ABCC1: variants seen among roughly 807,000 people sequenced by gnomAD.
ABCC1 encodes multidrug resistance-associated protein 1.
A neutral mutation model predicts 172.9 loss-of-function variants in ABCC1; 83 were observed. The observed-to-expected ratio is 0.48, with a 90% CI of 0.40 to 0.58. The LOEUF (loss-of-function observed/expected upper bound fraction) is 0.58. ABCC1 is among the 20% of genes least tolerant of loss of function. ABCC1 has a pLI of 0.00. For synonymous variants in ABCC1, 937 were observed against 825.2 expected, an observed-to-expected ratio of 1.14 and a Z score of -2.32; for missense variants, 1,817 against 2,002.7, an observed-to-expected ratio of 0.91 and a Z score of 1.77.
intron 1 of ABCC1, among the ~76,000 whole-genome samples, chr16:16,005,049 C>T (rs1358515890): frequency 6.8e-6 from 1 of 146,586 alleles, no homozygotes; most frequent in Non-Finnish European, 1.5e-5. Context: ...GATCTTATTT[C>T]CCTCATTTCT....
At position 16,136,536 on chromosome 16, in the gene ABCC1, C is replaced by T. The variant is rs775937199; in HGVS notation, c.4184C>T (p.Ser1395Leu). 6.8e-6 allele frequency: 11 copies of T among 1,614,034 alleles called. No individual in the cohort carries two copies. The highest frequency in any genetic ancestry group is 1.7e-5 in the Admixed American group (1 of 59,994). ...RMNLDPFSQY[S>L]DEEVWTSLEL... ...AACCTGGACCCATTCAGCCAGTACT[C>T]GGATGAAGAAGTCTGGACGTCCCTG... The change falls in exon 29 of 31, where the codon TCG becomes TTG. Residue 1395 changes from serine (S) to leucine (L), a missense_variant. Coordinates refer to ENST00000399410, the MANE Select transcript of ABCC1 (RefSeq NM_004996.4).
In ABCC1 at chr16:16,083,439, G is replaced by T; in HGVS notation, c.2189G>T (p.Cys730Phe). The change falls in exon 17 of 31, where the codon TGT becomes TTT. Residue 730 changes from cysteine (C) to phenylalanine (F), a missense_variant. This residue lies in a region of ABCC1 where 1,412 missense variants were observed against 1,600.3 expected (regional missense o/e 0.88). Coordinates refer to ENST00000399410, the MANE Select transcript of ABCC1 (RefSeq NM_004996.4). ...CTCCGAGAAAACATCCTTTTTGGAT[G>T]TCAGCTGGAGGAACCATATTACAGG... is the stretch of plus-strand genomic sequence containing the variant. ...DSLRENILFG[C>F]QLEEPYYRSV... 1 of 1,613,996 alleles carries T rather than the reference G, an allele frequency of 6.2e-7. No homozygotes were observed. Among genetic ancestry groups the T allele is most frequent in the Non-Finnish European group, 8.5e-7 (1 of 1,180,048 alleles).
chr16:16,068,373 C>T, intron 13 of ABCC1, 71 bp downstream of exon 13: 2 of 1,563,358 alleles, frequency 1.3e-6, no homozygotes, highest in Admixed American at 1.7e-5. Flanking sequence ...CATGGAAGTG[C>T]CCCCGAGCGC....
chr16:16,131,664 C>A, intron 26 of ABCC1, 125 bp from the exon 27 acceptor site: 1 of 1,046,040 alleles, frequency 9.6e-7, no homozygotes, highest in Admixed American at 2.7e-5. Context: ...AAGGGCAACC[C>A]CCCAGTGCTG....
In ABCC1 at chr16:15,999,809, C is replaced by CTCTCTCT. The variant is rs374395529; in HGVS notation, c.49-8007_49-8006insTCTCTCT. On this transcript the variant is annotated intron_variant, in intron 1 of 30. Transcript: ENST00000399410. ...TCTCTCTCTCTCTCTCTCTCTCTCTCCTCTCTCTCTCTCTCTCTCTCTCTG... is the reference window on the plus strand; with the variant it reads ...TCTCTCTCTCTCTCTCTCTCTCTCTCTCTCTCTCTCTCTCTCTCTCTCTCTCTCTCTG... Among the ~76,000 whole-genome samples the CTCTCTCT allele has an allele frequency of 2.6e-3, 22 of 8,366 alleles. 2 individuals carry two copies. The highest frequency in any genetic ancestry group is 5.5e-3 in the South Asian group (1 of 182). 5.5% of individuals were successfully genotyped at this position (8,366 alleles called of 152,430 possible). A position where few individuals can be genotyped will look rare whatever the true frequency, so the allele number is the denominator to read the frequency against.
chr16:15,956,013 C>A (rs1010763908), intron 1 of ABCC1, among the ~76,000 whole-genome samples: 1 of 152,052 alleles, frequency 6.6e-6, no homozygotes, highest in African/African-American at 2.4e-5. Flanking sequence ...TTTGGGAGGC[C>A]GAGGCAGGTG....
At chr16:16,022,917 G>GT (rs10532060) in intron 5 of ABCC1, among the ~76,000 whole-genome samples, 1 of 151,392 alleles carries the variant, frequency 6.6e-6, no homozygotes, top group African/African-American at 2.4e-5. Context: ...CTTTTGTTTT[G>GT]TTTTTTGTTT....
At chr16:15,976,034 G>A (rs1159159249) in intron 1 of ABCC1, among the ~76,000 whole-genome samples, 3 of 151,980 alleles carry the variant, frequency 2.0e-5, no homozygotes, top group Admixed American at 2.0e-4. Context: ...GGGAGGCTGA[G>A]GTGGGCGGAT....
At chr16:15,956,588 C>G (rs1023651085) in intron 1 of ABCC1, among the ~76,000 whole-genome samples, 2 of 152,072 alleles carry the variant, frequency 1.3e-5, no homozygotes, top group African/African-American at 4.8e-5. Flanking sequence ...TCACCTGCCT[C>G]GGCCTCCTAA....
intron 30 of ABCC1, among the ~76,000 whole-genome samples, chr16:16,139,243 G>C (rs532748272): frequency 6.6e-6 from 1 of 152,280 alleles, no homozygotes; most frequent in Admixed American, 6.5e-5. Context: ...GCGAGTGCTG[G>C]GCAGGGCCAC....
chr16:16,021,245 C>A (rs2048182174), intron 5 of ABCC1, among the ~76,000 whole-genome samples: 1 of 152,016 alleles, frequency 6.6e-6, no homozygotes, highest in Admixed American at 6.6e-5. Flanking sequence ...CAAGTATTAC[C>A]AGCAAGAAAG....
At chr16:16,080,030 C>G (rs1239673268) in intron 16 of ABCC1, among the ~76,000 whole-genome samples, 2 of 152,026 alleles carry the variant, frequency 1.3e-5, no homozygotes, top group Non-Finnish European at 2.9e-5. Context: ...CCAGGCTGGT[C>G]TCAAACTCCT....
intron 26 of ABCC1, among the ~76,000 whole-genome samples, chr16:16,127,221 C>T (rs181923987): frequency 4.6e-5 from 7 of 152,218 alleles, no homozygotes; most frequent in African/African-American, 1.2e-4. Flanking sequence ...GTCTTTACCC[C>T]GCTCTATGAC....
intron 1 of ABCC1, among the ~76,000 whole-genome samples, chr16:16,004,006 GGGTGGATGGATGAATT>G (rs71134497): frequency 3.6e-3 from 147 of 40,826 alleles, no homozygotes; most frequent in African/African-American, 5.5e-3. Flanking sequence ...ATTGGTGGGT[GGGTGGATGGATGAATT>G]GGTGGATGGA....
chr16:16,100,605 A>G (rs2051690668), intron 19 of ABCC1, among the ~76,000 whole-genome samples: 1 of 152,228 alleles, frequency 6.6e-6, no homozygotes, highest in African/African-American at 2.4e-5. Flanking sequence ...AGACAAAACA[A>G]AACAGATGCT....
At chr16:16,030,688 C>T (rs935294618) in intron 5 of ABCC1, among the ~76,000 whole-genome samples, 7 of 151,464 alleles carry the variant, frequency 4.6e-5, no homozygotes, top group Non-Finnish European at 7.4e-5. Context: ...CCTTGTTGTC[C>T]GGTGTGACAA....
At chr16:16,037,257 A>G (rs755084518) in intron 7 of ABCC1, among the ~76,000 whole-genome samples, 22 of 152,174 alleles carry the variant, frequency 1.4e-4, no homozygotes, top group Non-Finnish European at 2.4e-4. Context: ...TGTTCTGTCC[A>G]ACATGCCCAG....
At chr16:16,055,954 GAA>G (rs4148345) in intron 11 of ABCC1, 136 bp from the exon 12 acceptor site, 2 of 654,346 alleles carry the variant, frequency 3.1e-6, no homozygotes, top group Non-Finnish European at 4.7e-6. Flanking sequence ...CTATTGAAAA[GAA>G]AAAAAAAAAT....
At chr16:16,126,530 C>T (rs1264008308) in intron 26 of ABCC1, among the ~76,000 whole-genome samples, 6 of 151,974 alleles carry the variant, frequency 3.9e-5, no homozygotes, top group Non-Finnish European at 8.8e-5. Context: ...ATTACAGGTG[C>T]CTGTCATCAT....
Sources: gnomAD v4.1 joint callset for allele counts (sites outside exome capture counted in the v4.1 genomes callset) on GRCh38, gnomAD v4.1.1 for gene constraint, gnomAD v4.1.1 regional missense constraint, MANE v1.5 for transcripts, NCBI Gene and HGNC (gene_info 2026-07-23, HGNC 2026-07-21) for gene names.